PHACTR4: variants seen among roughly 807,000 people sequenced by gnomAD.
The protein encoded by PHACTR4 is protein phosphatase 1, regulatory subunit 124.
PHACTR4 carries 51 observed loss-of-function variants against 72.7 expected under a neutral mutation model. The ratio of observed to expected loss-of-function variants is 0.70; its 90% confidence interval spans 0.56 to 0.89. PHACTR4 has a LOEUF of 0.89. PHACTR4 is among the 40% of genes least tolerant of loss of function. The probability of loss-of-function intolerance (pLI) is 0.00; values close to 1 mark genes in which losing one functional copy is unlikely to be tolerated. For missense variants in PHACTR4, 731 were observed against 861.8 expected (o/e 0.85, Z 1.90); for synonymous variants, 255 against 302.5 (o/e 0.84, Z 1.63).
chr1:28,416,672 G>A (rs1399432508), intron 2 of PHACTR4, among the ~76,000 whole-genome samples: 1 of 152,116 alleles, frequency 6.6e-6, no homozygotes, highest in Non-Finnish European at 1.5e-5. Flanking sequence ...TAAATGCATG[G>A]ACTGGTTTCC....
chr1:28,428,547 T>C (rs78295013), intron 2 of PHACTR4, among the ~76,000 whole-genome samples: 1 of 152,222 alleles, frequency 6.6e-6, no homozygotes, highest in Non-Finnish European at 1.5e-5. Flanking sequence ...GCCATCCTGC[T>C]GGCATAATTT....
At position 28,493,000 on chromosome 1, in the gene PHACTR4, G is replaced by C. The variant is rs748811587; in HGVS notation, c.2017-15G>C. The C allele has an allele frequency of 2.5e-5, 40 of 1,599,274 alleles. No individual in the cohort carries two copies. The highest frequency in any genetic ancestry group is 7.7e-5 in the South Asian group (7 of 90,788). ...AGCCAGAAGAAGCTGAAACATTTTT[G>C]TCTCTACTCCACAGGCTGCCATAAG... On this transcript the variant is annotated splice_polypyrimidine_tract_variant and intron_variant, in intron 12 of 13. Transcript: ENST00000373839.
chr1:28,478,438 AT>A (rs550231064), intron 8 of PHACTR4, among the ~76,000 whole-genome samples: 9 of 147,716 alleles, frequency 6.1e-5, no homozygotes, highest in African/African-American at 7.5e-5. Flanking sequence ...TGGTAGTTCT[AT>A]TTTTTTTTTA....
chr1:28,418,015 A>G (rs1488513208), intron 2 of PHACTR4, among the ~76,000 whole-genome samples: 3 of 151,794 alleles, frequency 2.0e-5, no homozygotes, highest in East Asian at 3.9e-4. Context: ...GCACACATCT[A>G]TAGTCCCAGC....
chr1:28,389,538 C>T (rs572163292), intron 1 of PHACTR4, among the ~76,000 whole-genome samples: 399 of 148,100 alleles, frequency 2.7e-3, no homozygotes, highest in African/African-American at 9.5e-3. Flanking sequence ...AGTGCAGTGA[C>T]GCAATCTCGG....
At chr1:28,417,034 T>C (rs187248658) in intron 2 of PHACTR4, among the ~76,000 whole-genome samples, 362 of 152,160 alleles carry the variant, frequency 2.4e-3, no homozygotes, top group African/African-American at 8.4e-3. Context: ...TTTTCTTTCT[T>C]GCTTTTTTTT....
intron 2 of PHACTR4, 26 bp from the exon 3 acceptor site, chr1:28,459,059 T>A: frequency 6.4e-7 from 1 of 1,568,904 alleles, no homozygotes. Context: ...ATTTGCTTCC[T>A]TCCCTCTCTT....
rs1489171323 is a variant in PHACTR4, at chr1:28,370,004, G to T, written c.-39+179G>T. ...GGGCGGGGCCGCCGCCTCCCTCCTC[G>T]GCCCTCCCACAACGGTCCAACCCGG... On this transcript the variant is annotated intron_variant, in intron 1 of 13. Transcript: ENST00000373839. 3.9e-5 allele frequency among the ~76,000 whole-genome samples: 6 copies of T among 151,974 alleles called. 1 individual carries two copies. The South Asian group carries it at 1.0e-3, about 26-fold the overall frequency.
At chr1:28,491,820 C>G (rs764144931) in intron 12 of PHACTR4, 33 bp downstream of exon 12, 13 of 1,598,030 alleles carry the variant, frequency 8.1e-6, no homozygotes, top group Non-Finnish European at 1.1e-5. Context: ...CTTTTTTTCT[C>G]TTTCTCTTTT....
At chr1:28,485,159 G>A (rs1245796591) in intron 9 of PHACTR4, among the ~76,000 whole-genome samples, 1 of 152,192 alleles carries the variant, frequency 6.6e-6, no homozygotes, top group Non-Finnish European at 1.5e-5. Context: ...TATAGAAGCA[G>A]AGAGTAGAAA....
chr1:28,437,494 T>G (rs1393883457), intron 2 of PHACTR4, among the ~76,000 whole-genome samples: 2 of 152,206 alleles, frequency 1.3e-5, no homozygotes, highest in African/African-American at 4.8e-5. Flanking sequence ...CCTCCCAAAG[T>G]GCTAGGATTA....
chr1:28,375,941 C>T lies in PHACTR4; in HGVS notation c.-39+6116C>T, dbSNP rs559395979. On this transcript the variant is annotated intron_variant, in intron 1 of 13. Transcript: ENST00000373839. ...AAAATTAGCCAGGCGTGGTGGTACA[C>T]GCCTGTAATTCCAGATACTTGGGAG... 3.6e-4 allele frequency among the ~76,000 whole-genome samples: 55 copies of T among 152,088 alleles called. No individual in the cohort carries two copies. In the South Asian group the frequency reaches 0.011, roughly 30 times the overall value.
At chr1:28,409,539 T>G (rs1318277654) in intron 2 of PHACTR4, among the ~76,000 whole-genome samples, 1 of 152,224 alleles carries the variant, frequency 6.6e-6, no homozygotes, top group Non-Finnish European at 1.5e-5. Flanking sequence ...GCAGTTTTAC[T>G]TGTTTAATTT....
intron 2 of PHACTR4, among the ~76,000 whole-genome samples, chr1:28,444,706 C>T (rs1657311787): frequency 6.6e-6 from 1 of 150,644 alleles, no homozygotes; most frequent in Non-Finnish European, 1.5e-5. Flanking sequence ...AGCTCCACCT[C>T]CCGGGTTCAC....
chr1:28,413,729 C>G (rs947162287), intron 2 of PHACTR4, among the ~76,000 whole-genome samples: 3 of 151,800 alleles, frequency 2.0e-5, no homozygotes, highest in Non-Finnish European at 4.4e-5. Flanking sequence ...TCTTTTTTTC[C>G]TAACATTGTT....
chr1:28,437,866 G>A (rs1569948151), intron 2 of PHACTR4, among the ~76,000 whole-genome samples: 1 of 152,184 alleles, frequency 6.6e-6, no homozygotes, highest in South Asian at 2.1e-4. Flanking sequence ...AGGTAAACCT[G>A]TGTCTAAAAC....
intron 1 of PHACTR4, among the ~76,000 whole-genome samples, chr1:28,396,842 TTTC>T (rs1266789092): frequency 4.2e-4 from 34 of 80,154 alleles, no homozygotes; most frequent in African/African-American, 1.6e-3. Context: ...TCTTTCTTTC[TTTC>T]TTTTTTTTTT....
chr1:28,496,806 G>A lies in PHACTR4; in HGVS notation c.*257G>A. On this transcript the variant is annotated 3_prime_UTR_variant, in exon 14 of 14. Transcript: ENST00000373839. Reference sequence around the variant, plus strand: ...TGCTTGAGGAGTTTTTCCCTTACTGGCCACCAAAGTTCTGAACCACTTGCA... The same window carrying A: ...TGCTTGAGGAGTTTTTCCCTTACTGACCACCAAAGTTCTGAACCACTTGCA... 1.8e-6 allele frequency: 1 copy of A among 553,116 alleles called. No homozygotes were observed. The highest frequency in any genetic ancestry group is 2.1e-5 in the South Asian group (1 of 47,294). The allele number at this position is 553,116 out of a possible 1,614,324, so 34.3% of individuals were successfully genotyped here. A position where few individuals can be genotyped will look rare whatever the true frequency, so the allele number is the denominator to read the frequency against.
intron 13 of PHACTR4, among the ~76,000 whole-genome samples, chr1:28,495,890 T>C (rs1661318240): frequency 6.6e-6 from 1 of 151,938 alleles, no homozygotes; most frequent in South Asian, 2.1e-4. Flanking sequence ...GTGTTGGGAT[T>C]GATTACAGGC....
Sources: gnomAD v4.1 joint callset for allele counts (sites outside exome capture counted in the v4.1 genomes callset) on GRCh38, gnomAD v4.1.1 for gene constraint, MANE v1.5 for transcripts, NCBI Gene and HGNC (gene_info 2026-07-23, HGNC 2026-07-21) for gene names.